RYR3: variants seen among roughly 807,000 people sequenced by gnomAD.
RYR3 encodes the protein ryanodine receptor 3, also known as brain ryanodine receptor-calcium release channel.
A neutral mutation model predicts 584.3 loss-of-function variants in RYR3; 207 were observed. The ratio of observed to expected loss-of-function variants is 0.35; its 90% CI spans 0.32 to 0.40. The LOEUF is 0.40. RYR3 is among the 10% of genes least tolerant of loss of function. RYR3 has a pLI of 1.00. For synonymous variants in RYR3, 2,416 were observed against 2,248.5 expected, an observed-to-expected ratio of 1.07 and a Z score of -2.11; for missense variants, 5,616 against 6,089.2, an observed-to-expected ratio of 0.92 and a Z score of 2.59.
chr15:33,791,800 G>C (rs1596611436), intron 67 of RYR3, among the ~76,000 whole-genome samples: 1 of 152,152 alleles, frequency 6.6e-6, no homozygotes, highest in South Asian at 2.1e-4. Flanking sequence ...TAATTATAAA[G>C]ATTTACCATG....
At chr15:33,518,584 G>C (rs2053719547) in intron 3 of RYR3, among the ~76,000 whole-genome samples, 2 of 152,134 alleles carry the variant, frequency 1.3e-5, no homozygotes, top group South Asian at 4.2e-4. Context: ...GCCCCAGTCG[G>C]TTATCCTCCC....
In RYR3 at chr15:33,571,204, G is replaced by A. The variant is rs115440426; in HGVS notation, c.1268+4405G>A. On this transcript the variant is annotated intron_variant, in intron 12 of 103. Coordinates refer to ENST00000634891, the MANE Select transcript of RYR3 (RefSeq NM_001036.6). ...ACACCAATTTTTCACCGTTAAGTGC[G>A]ATATTGACTGTAGGGTTTTTGTAGA... Among the ~76,000 whole-genome samples the A allele has an allele frequency of 2.0e-3, 299 of 152,328 alleles. 1 individual carries two copies. Among genetic ancestry groups the A allele is most frequent in the Middle Eastern group, 6.8e-3 (2 of 294 alleles).
chr15:33,367,237 T>G (rs2141056311), intron 1 of RYR3, among the ~76,000 whole-genome samples: 1 of 152,326 alleles, frequency 6.6e-6, no homozygotes. Flanking sequence ...TGAAAAAAAG[T>G]TCAGAAAGTA....
chr15:33,812,202 T>C (rs2152947856), intron 72 of RYR3, among the ~76,000 whole-genome samples: 1 of 152,226 alleles, frequency 6.6e-6, no homozygotes, highest in South Asian at 2.1e-4. Flanking sequence ...AATAACCACT[T>C]GGAGAGCCTC....
chr15:33,630,272 G>A (rs1329354729), intron 22 of RYR3, among the ~76,000 whole-genome samples: 1 of 152,138 alleles, frequency 6.6e-6, no homozygotes, highest in Non-Finnish European at 1.5e-5. Context: ...GAAAAAGTAA[G>A]AGGCAGAAAA....
At chr15:33,687,797 A>G (rs573966430) in intron 38 of RYR3, among the ~76,000 whole-genome samples, 6 of 152,284 alleles carry the variant, frequency 3.9e-5, no homozygotes, top group African/African-American at 1.4e-4. Flanking sequence ...AACCTGACAA[A>G]AACAGGAAAT....
intron 45 of RYR3, among the ~76,000 whole-genome samples, chr15:33,725,974 C>CCCCTCCG (rs1555427644): frequency 8.0e-5 from 3 of 37,622 alleles, no homozygotes; most frequent in African/African-American, 2.2e-4. Context: ...CATCCCCCCC[C>CCCCTCCG]CCAAAAAAAA....
chr15:33,376,414 C>A (rs1310528954), intron 1 of RYR3, among the ~76,000 whole-genome samples: 1 of 152,194 alleles, frequency 6.6e-6, no homozygotes, highest in Admixed American at 6.5e-5. Context: ...ATGACTAAGT[C>A]TACTCCAGAC....
intron 1 of RYR3, among the ~76,000 whole-genome samples, chr15:33,315,005 T>C (rs546701584): frequency 6.6e-6 from 1 of 152,010 alleles, no homozygotes; most frequent in African/African-American, 2.4e-5. Context: ...TTTGCATTAG[T>C]TTCAATTAAA....
intron 2 of RYR3, among the ~76,000 whole-genome samples, chr15:33,490,434 C>G (rs1399186335): frequency 2.0e-5 from 3 of 152,192 alleles, no homozygotes; most frequent in African/African-American, 7.2e-5. Context: ...GATATTTCTA[C>G]TTCAAAATAG....
chr15:33,393,302 A>G (rs1595952050), intron 1 of RYR3, among the ~76,000 whole-genome samples: 1 of 152,342 alleles, frequency 6.6e-6, no homozygotes, highest in East Asian at 1.9e-4. Flanking sequence ...ATTTGCTTTC[A>G]GAACTTCAGC....
At chr15:33,737,504 C>G (rs774086632) in intron 49 of RYR3, among the ~76,000 whole-genome samples, 9 of 152,114 alleles carry the variant, frequency 5.9e-5, no homozygotes, top group African/African-American at 9.7e-5. Flanking sequence ...ATAGTCCAAG[C>G]GAGCATTTCA....
chr15:33,457,802 A>G (rs1567280036), intron 1 of RYR3, among the ~76,000 whole-genome samples: 1 of 152,200 alleles, frequency 6.6e-6, no homozygotes, highest in African/African-American at 2.4e-5. Flanking sequence ...ATCATACAAC[A>G]TATGTATTGA....
intron 2 of RYR3, among the ~76,000 whole-genome samples, chr15:33,484,418 A>G: frequency 6.6e-6 from 1 of 152,134 alleles, no homozygotes; most frequent in African/African-American, 2.4e-5. Context: ...AATAGATGGC[A>G]CTACTAGAGA....
At chr15:33,529,811 A>G (rs992791542) in intron 3 of RYR3, among the ~76,000 whole-genome samples, 1 of 152,170 alleles carries the variant, frequency 6.6e-6, no homozygotes, top group African/African-American at 2.4e-5. Context: ...ATAATAAATT[A>G]CAGTTTTGTC....
chr15:33,665,520 C>G (rs2063447314), intron 36 of RYR3, among the ~76,000 whole-genome samples: 1 of 152,232 alleles, frequency 6.6e-6, no homozygotes, highest in Non-Finnish European at 1.5e-5. Flanking sequence ...TCTGGCATCT[C>G]TTTCTCCCAG....
In RYR3 at chr15:33,520,857, G is replaced by T. The variant is rs529463684; in HGVS notation, c.280-9735G>T. Among the ~76,000 whole-genome samples the T allele has an allele frequency of 4.6e-5, 7 of 152,300 alleles. No homozygotes were observed. The East Asian group carries it at 7.7e-4, about 17-fold the overall frequency. ...CACCTTTTCCCCCTCAATGGAAAAT[G>T]CTCATCTGTCTGTTTGAGAAGCAGT... On this transcript the variant is annotated intron_variant, in intron 3 of 103. Coordinates refer to ENST00000634891, the MANE Select transcript of RYR3 (RefSeq NM_001036.6).
At chr15:33,492,084 G>A (rs964977871) in intron 2 of RYR3, among the ~76,000 whole-genome samples, 1 of 152,210 alleles carries the variant, frequency 6.6e-6, no homozygotes, top group African/African-American at 2.4e-5. Flanking sequence ...AAACTGATAA[G>A]TGAACATTTT....
intron 102 of RYR3, among the ~76,000 whole-genome samples, chr15:33,862,146 T>A (rs888803184): frequency 2.0e-5 from 3 of 152,092 alleles, no homozygotes; most frequent in African/African-American, 7.2e-5. Flanking sequence ...AGAAAAAAAA[T>A]AAAATGCTGG....
Sources: gnomAD v4.1 joint callset for allele counts (sites outside exome capture counted in the v4.1 genomes callset) on GRCh38, gnomAD v4.1.1 for gene constraint, MANE v1.5 for transcripts, NCBI Gene and HGNC (gene_info 2026-07-23, HGNC 2026-07-21) for gene names.